The following PRKCA variants were observed in gnomAD, a reference collection of about 807,000 sequenced individuals.
The protein encoded by PRKCA is protein kinase C alpha.
In PRKCA, 27 loss-of-function variants were observed where a neutral mutation model predicts 87.0. The ratio of observed to expected loss-of-function variants is 0.31; its 90% CI spans 0.23 to 0.43. PRKCA has a LOEUF of 0.43. Ranked by LOEUF, PRKCA falls within the 20% of genes least tolerant of loss-of-function variation. The pLI is 1.00. For missense variants in PRKCA, 518 were observed against 852.3 expected, an observed-to-expected ratio of 0.61 and a Z score of 4.88; for synonymous variants, 329 against 311.1, an observed-to-expected ratio of 1.06 and a Z score of -0.61.
At chr17:66,412,578 G>A (rs1911875381) in intron 2 of PRKCA, 1 of 152,126 alleles carries the variant, frequency 6.6e-6, no homozygotes. Flanking sequence ...AGGAGCTGCA[G>A]GGACCCATTT....
chr17:66,714,931 T>TA, intron 8 of PRKCA, among the ~76,000 whole-genome samples: 1 of 152,286 alleles, frequency 6.6e-6, no homozygotes, highest in South Asian at 2.1e-4. Context: ...CCCTTGGTTT[T>TA]AAAAACTGGT....
At chr17:66,795,368 A>G (rs1043035078) in intron 16 of PRKCA, among the ~76,000 whole-genome samples, 2 of 152,198 alleles carry the variant, frequency 1.3e-5, no homozygotes, top group Non-Finnish European at 1.5e-5. Context: ...ATTAAAATTG[A>G]GATCTCAAGA....
intron 3 of PRKCA, among the ~76,000 whole-genome samples, chr17:66,637,896 C>T (rs939885378): frequency 3.3e-5 from 5 of 152,118 alleles, no homozygotes; most frequent in African/African-American, 7.2e-5. Context: ...GTGCGGGAAC[C>T]ATGCTCTGAA....
intron 2 of PRKCA, among the ~76,000 whole-genome samples, chr17:66,338,339 A>G (rs1906834915): frequency 6.6e-6 from 1 of 151,908 alleles, no homozygotes; most frequent in African/African-American, 2.4e-5. Context: ...GCCTCTTTTG[A>G]CTTACTGTGC....
chr17:66,317,243 C>T (rs115606415), intron 2 of PRKCA, among the ~76,000 whole-genome samples: 3,349 of 152,180 alleles, frequency 0.022, 119 homozygotes, highest in African/African-American at 0.076. Context: ...TATTCCTTCT[C>T]TCTCCATGGG....
chr17:66,582,942 C>T (rs1969489285), intron 3 of PRKCA, among the ~76,000 whole-genome samples: 1 of 152,150 alleles, frequency 6.6e-6, no homozygotes, highest in South Asian at 2.1e-4. Flanking sequence ...CTGGTGGAAC[C>T]CCAGCCCCTG....
chr17:66,392,232 C>CAAA lies in PRKCA; in HGVS notation c.205+86107_205+86108insAAA, dbSNP rs746861945. Among the ~76,000 whole-genome samples the CAAA allele has an allele frequency of 3.8e-5, 2 of 53,294 alleles. 1 individual carries two copies. Among genetic ancestry groups the CAAA allele is most frequent in the Non-Finnish European group, 8.7e-5 (2 of 22,978 alleles). The allele number at this position is 53,294 out of a possible 152,430, so 35.0% of individuals were successfully genotyped here. A position where few individuals can be genotyped will look rare whatever the true frequency, so the allele number is the denominator to read the frequency against. ...GCGACAGAGCAAGACTGTGTCTCAA[C>CAAA]AACAACAAAAAAAAAAATGTGGTTA... On this transcript the variant is annotated intron_variant, in intron 2 of 16. Coordinates refer to ENST00000413366, the MANE Select transcript of PRKCA (RefSeq NM_002737.3).
intron 2 of PRKCA, among the ~76,000 whole-genome samples, chr17:66,442,201 A>AC (rs1913805407): frequency 6.6e-6 from 1 of 151,050 alleles, no homozygotes; most frequent in Non-Finnish European, 1.5e-5. Context: ...AGCTGGGGCT[A>AC]CAGGTGCCTG....
chr17:66,519,419 G>A (rs1314602654), intron 3 of PRKCA, among the ~76,000 whole-genome samples: 2 of 152,174 alleles, frequency 1.3e-5, no homozygotes, highest in African/African-American at 2.4e-5. Context: ...TATGATGTAC[G>A]TGATTTTGTT....
At chr17:66,775,123 G>C (rs576611425) in intron 14 of PRKCA, 1 of 985,216 alleles carries the variant, frequency 1.0e-6, no homozygotes, top group Admixed American at 6.1e-5. Flanking sequence ...ACAAGATGGT[G>C]GTGCTGATGG....
intron 3 of PRKCA, among the ~76,000 whole-genome samples, chr17:66,504,330 T>C (rs1916876341): frequency 6.6e-6 from 1 of 151,984 alleles, no homozygotes; most frequent in Non-Finnish European, 1.5e-5. Flanking sequence ...GGCCCACGCC[T>C]GTAATCCCAG....
Position 66,535,084 on chromosome 17 carries a change from C to G in PRKCA, c.288+38801C>G, listed in dbSNP as rs530379539. The stretch of plus-strand genomic sequence containing the variant: ...TTATTCCTCAAATTATCCCCAAACT[C>G]TCTGAGACTGCGCTGTTACCATTTT... On this transcript the variant is annotated intron_variant, in intron 3 of 16. Transcript: ENST00000413366. 5.9e-5 allele frequency among the ~76,000 whole-genome samples: 9 copies of G among 152,334 alleles called. No individual in the cohort carries two copies. In the East Asian group the frequency reaches 1.2e-3, roughly 20 times the overall value.
chr17:66,464,241 A>G (rs1914984845), intron 2 of PRKCA, among the ~76,000 whole-genome samples: 2 of 152,118 alleles, frequency 1.3e-5, no homozygotes, highest in Admixed American at 6.6e-5. Flanking sequence ...ATAAGATTCT[A>G]TCATCTGGAT....
At chr17:66,520,512 C>G (rs1213296961) in intron 3 of PRKCA, among the ~76,000 whole-genome samples, 1 of 152,178 alleles carries the variant, frequency 6.6e-6, no homozygotes, top group African/African-American at 2.4e-5. Flanking sequence ...GCAATCCTGC[C>G]TCAGCCTCCC....
chr17:66,723,121 C>T (rs1973654581), intron 8 of PRKCA, among the ~76,000 whole-genome samples: 1 of 151,962 alleles, frequency 6.6e-6, no homozygotes, highest in South Asian at 2.1e-4. Context: ...AGGTCATGAG[C>T]TCCTGCAAAG....
At chr17:66,406,589 T>A (rs1045711231) in intron 2 of PRKCA, among the ~76,000 whole-genome samples, 1 of 134,674 alleles carries the variant, frequency 7.4e-6, no homozygotes, top group African/African-American at 2.6e-5. Flanking sequence ...TTCCAGGTTT[T>A]TTTTTTTTTT....
chr17:66,563,092 C>T (rs2143322540), intron 3 of PRKCA, among the ~76,000 whole-genome samples: 1 of 152,064 alleles, frequency 6.6e-6, no homozygotes, highest in Non-Finnish European at 1.5e-5. Context: ...GTACAGTGTT[C>T]CCTTATACCT....
rs1214122351 is a variant in PRKCA at position 66,792,840 on chromosome 17, C to T, written c.1854+3861C>T. On this transcript the variant is annotated intron_variant, in intron 16 of 16. Coordinates refer to ENST00000413366, the MANE Select transcript of PRKCA (RefSeq NM_002737.3). This position sits in a 1 kb window ranked among gnomAD's most constrained non-coding sequence, Gnocchi z 4.5. ...GGTGGCAGGGTCCCATGGCGGTGGTCATCTCTCCTGGCAGTGGCAAGCCTG... is the reference window on the plus strand; with the variant it reads ...GGTGGCAGGGTCCCATGGCGGTGGTTATCTCTCCTGGCAGTGGCAAGCCTG... 6.6e-6 allele frequency among the ~76,000 whole-genome samples: 1 copy of T among 152,160 alleles called. No homozygotes were observed. Among genetic ancestry groups the T allele is most frequent in the African/African-American group, 2.4e-5 (1 of 41,436 alleles).
intron 14 of PRKCA, chr17:66,775,270 G>T (rs143291104): frequency 1.0e-6 from 1 of 984,976 alleles, no homozygotes; most frequent in South Asian, 4.7e-5. Context: ...TCTCCTGTCC[G>T]TCAGCCCTAC....
Sources: gnomAD v4.1 joint callset for allele counts (sites outside exome capture counted in the v4.1 genomes callset) on GRCh38, gnomAD v4.1.1 for gene constraint, Gnocchi (gnomAD v3.1) non-coding constraint, MANE v1.5 for transcripts, NCBI Gene and HGNC (gene_info 2026-07-23, HGNC 2026-07-21) for gene names.